Variants in MED13L observed in about 807,000 individuals in gnomAD.
MED13L encodes the protein mediator complex subunit 13L.
Under a neutral mutation model 220.9 loss-of-function variants are expected in MED13L, and 7 were observed. That is an observed-to-expected ratio of 0.03 (90% CI 0.02 to 0.06). MED13L has a LOEUF of 0.06. Ranked by LOEUF, MED13L falls within the 10% of genes least tolerant of loss-of-function variation. MED13L has a pLI of 1.00. For synonymous variants in MED13L, 1,011 were observed against 1,015.2 expected (o/e 1.00, Z 0.08); for missense variants, 1,965 against 2,760.5 (o/e 0.71, Z 6.46).
intron 4 of MED13L, among the ~76,000 whole-genome samples, chr12:116,038,171 T>TC (rs1491384224): frequency 2.0e-5 from 3 of 150,386 alleles, no homozygotes; most frequent in South Asian, 4.2e-4. Flanking sequence ...TGCTTGGAAT[T>TC]CTTTTTTTTT....
intron 4 of MED13L, among the ~76,000 whole-genome samples, chr12:116,060,822 C>G (rs910107211): frequency 9.9e-5 from 15 of 152,052 alleles, no homozygotes; most frequent in African/African-American, 3.4e-4. Context: ...ACACGAGATA[C>G]TTGCTTTACG....
rs959857885 is a variant in MED13L, at chr12:115,960,316, G to C, written c.*950C>G. 1.3e-5 allele frequency: 2 copies of C among 152,588 alleles called. No individual in the cohort carries two copies. The highest frequency in any genetic ancestry group is 1.3e-4 in the Admixed American group (2 of 15,272). 9.5% of individuals were successfully genotyped at this position (152,588 alleles called of 1,614,324 possible). ...ATTCACTAGAAAATATATTTCCGTT[G>C]TGACTATATAAAACTAATTAAGGTA... On this transcript the variant is annotated 3_prime_UTR_variant, in exon 31 of 31. Coordinates refer to ENST00000281928, the MANE Select transcript of MED13L (RefSeq NM_015335.5).
intron 1 of MED13L, among the ~76,000 whole-genome samples, chr12:116,246,117 A>G (rs1386532429): frequency 1.3e-5 from 2 of 152,152 alleles, no homozygotes; most frequent in East Asian, 1.9e-4. Context: ...CCAAAATGCT[A>G]AAGAATTATT....
At chr12:116,276,847 A>G in intron 1 of MED13L, 1 of 1,039,812 alleles carries the variant, frequency 9.6e-7, no homozygotes, top group Non-Finnish European at 1.4e-6. Context: ...CGCGCTCACA[A>G]ATGATTTTTA....
intron 28 of MED13L, among the ~76,000 whole-genome samples, chr12:115,968,063 C>CCG (rs1555240716): frequency 2.2e-5 from 3 of 136,198 alleles, no homozygotes; most frequent in Admixed American, 7.2e-5. Flanking sequence ...TCCCCCCCCC[C>CCG]CCCCGATGAA....
In MED13L at chr12:115,996,704, G is replaced by A. The variant is rs780956804; in HGVS notation, c.2791-23C>T. The A allele has an allele frequency of 2.0e-5, 32 of 1,591,132 alleles. No homozygotes were observed. The South Asian group carries it at 3.4e-4, about 17-fold the overall frequency. ...GTCCTGTGACAACAAAGTGGGGTCA[G>A]TGTTAATATTGGTAAACTCTGTAGA... is the stretch of plus-strand genomic sequence containing the variant. On this transcript the variant is annotated intron_variant, in intron 15 of 30. Coordinates refer to ENST00000281928, the MANE Select transcript of MED13L (RefSeq NM_015335.5).
intron 2 of MED13L, among the ~76,000 whole-genome samples, chr12:116,136,549 G>T (rs1876573948): frequency 6.6e-6 from 1 of 152,122 alleles, no homozygotes; most frequent in Non-Finnish European, 1.5e-5. Flanking sequence ...TCAAACAAGA[G>T]GAAATGGTGG....
At chr12:116,111,651 G>A (rs1565882668) in intron 2 of MED13L, 139 bp from the exon 3 acceptor site, 2 of 689,290 alleles carry the variant, frequency 2.9e-6, no homozygotes, top group South Asian at 1.7e-5. Flanking sequence ...CTGAAACAGA[G>A]AGTGGAATTT....
chr12:116,246,473 G>A (rs776395566), intron 1 of MED13L, among the ~76,000 whole-genome samples: 7 of 151,546 alleles, frequency 4.6e-5, no homozygotes, highest in Non-Finnish European at 1.0e-4. Flanking sequence ...AGTCTTAAAG[G>A]GGTTTCATAC....
intron 2 of MED13L, among the ~76,000 whole-genome samples, chr12:116,224,014 T>C (rs1219606004): frequency 2.0e-5 from 3 of 152,212 alleles, no homozygotes. Context: ...GTTCCAATTT[T>C]AGTGTATGTG....
chr12:116,089,878 C>A (rs909922300), intron 4 of MED13L, among the ~76,000 whole-genome samples: 5 of 152,168 alleles, frequency 3.3e-5, no homozygotes, highest in African/African-American at 1.2e-4. Flanking sequence ...TCTCTAAATT[C>A]TAAGATACTT....
intron 26 of MED13L, among the ~76,000 whole-genome samples, chr12:115,971,629 T>G (rs1876591449): frequency 6.6e-6 from 1 of 152,262 alleles, no homozygotes; most frequent in African/African-American, 2.4e-5. Context: ...TGCTTTATCC[T>G]TGTTTGCCTT....
intron 4 of MED13L, among the ~76,000 whole-genome samples, chr12:116,082,285 T>C (rs1013662741): frequency 2.0e-5 from 3 of 152,172 alleles, no homozygotes; most frequent in African/African-American, 7.2e-5. Context: ...AAACTTTCAC[T>C]TTTGGGGGTA....
intron 22 of MED13L, 33 bp downstream of exon 22, chr12:115,982,351 T>C (rs1480882974): frequency 6.4e-7 from 1 of 1,573,088 alleles, no homozygotes; most frequent in Non-Finnish European, 8.7e-7. Context: ...AATAACAACA[T>C]CAAAAGTAAA....
In MED13L at chr12:116,230,584, G is replaced by C. The variant is rs916316933; in HGVS notation, c.310+6884C>G. ...GCAAATACAATTCCTTTCCAATTCA[G>C]TCAGGGATTAATTTCAATGACTCAC... On this transcript the variant is annotated intron_variant, in intron 2 of 30. Coordinates refer to ENST00000281928, the MANE Select transcript of MED13L (RefSeq NM_015335.5). 12 of 598,276 alleles carry C rather than the reference G, an allele frequency of 2.0e-5. No individual in the cohort carries two copies. In the African/African-American group the frequency reaches 2.0e-4, roughly 10 times the overall value. 37.1% of individuals were successfully genotyped at this position (598,276 alleles called of 1,614,324 possible).
chr12:116,184,688 C>A (rs1880760081), intron 2 of MED13L, among the ~76,000 whole-genome samples: 1 of 152,110 alleles, frequency 6.6e-6, no homozygotes, highest in South Asian at 2.1e-4. Context: ...CAAATATTCA[C>A]CCCACTAAAA....
intron 1 of MED13L, among the ~76,000 whole-genome samples, chr12:116,251,879 G>C (rs1187427358): frequency 6.6e-6 from 1 of 151,748 alleles, no homozygotes; most frequent in Admixed American, 6.6e-5. Flanking sequence ...TGCAAATTAT[G>C]AGAGAGCTAA....
rs1323099047 is a variant in MED13L at position 116,277,688 on chromosome 12, A to G, written c.-557T>C. ...CCTCCCCGGGCTCGCTTGCTCTGAC[A>G]GCAATGGCGGCCGCCGACCGCGGCT... On this transcript the variant is annotated 5_prime_UTR_variant, in exon 1 of 31. Coordinates refer to ENST00000281928, the MANE Select transcript of MED13L (RefSeq NM_015335.5). Among the ~76,000 whole-genome samples the G allele has an allele frequency of 6.7e-6, 1 of 148,568 alleles. No homozygotes were observed. Among genetic ancestry groups the G allele is most frequent in the East Asian group, 2.0e-4 (1 of 4,996 alleles).
intron 2 of MED13L, among the ~76,000 whole-genome samples, chr12:116,118,237 A>G (rs1471501110): frequency 6.6e-6 from 1 of 152,214 alleles, no homozygotes; most frequent in Non-Finnish European, 1.5e-5. Context: ...AAGTTAATAT[A>G]AAATAGGAAA....
Sources: gnomAD v4.1 joint callset for allele counts (sites outside exome capture counted in the v4.1 genomes callset) on GRCh38, gnomAD v4.1.1 for gene constraint, MANE v1.5 for transcripts, NCBI Gene and HGNC (gene_info 2026-07-23, HGNC 2026-07-21) for gene names.